Variants in ATE1 observed in about 807,000 individuals in gnomAD.
ATE1 encodes arginyl-tRNA--protein transferase 1.
ATE1 carries 36 observed loss-of-function variants against 70.5 expected under a neutral mutation model. The observed-to-expected ratio is 0.51, with a 90% confidence interval of 0.39 to 0.67. The LOEUF (loss-of-function observed/expected upper bound fraction) is 0.67, where lower values mean the gene tolerates loss of function less well. ATE1 is among the 30% of genes least tolerant of loss of function. The probability of loss-of-function intolerance (pLI) is 0.00; values close to 1 mark genes in which losing one functional copy is unlikely to be tolerated. For synonymous variants in ATE1, 232 were observed against 219.3 expected (o/e 1.06, Z -0.51); for missense variants, 593 against 629.5 (o/e 0.94, Z 0.62).
chr10:121,849,283 C>A (rs1463699433), intron 8 of ATE1, among the ~76,000 whole-genome samples: 1 of 152,008 alleles, frequency 6.6e-6, no homozygotes, highest in African/African-American at 2.4e-5. Context: ...TTCTGTTAAC[C>A]CTAAATATAA....
At chr10:121,860,524 A>G (rs1289629869) in intron 8 of ATE1, among the ~76,000 whole-genome samples, 1 of 152,250 alleles carries the variant, frequency 6.6e-6, no homozygotes, top group Non-Finnish European at 1.5e-5. Context: ...GGTTTACCCC[A>G]ACATTCACAA....
chr10:121,833,717 G>A (rs1166523749), intron 10 of ATE1, among the ~76,000 whole-genome samples: 1 of 152,138 alleles, frequency 6.6e-6, no homozygotes, highest in Non-Finnish European at 1.5e-5. Context: ...GTTGGTCAGT[G>A]TTCCATGTTC....
rs116006683 is a variant in ATE1, at chr10:121,858,511, C to T, written c.975+11495G>A. 1.4e-3 allele frequency among the ~76,000 whole-genome samples: 210 copies of T among 151,374 alleles called. 1 individual carries two copies. Among genetic ancestry groups the T allele is most frequent in the African/African-American group, 4.8e-3 (197 of 41,312 alleles). ...TGAAGATCCTTAGGTAATTTTAAAA[C>T]GTAAATTAATGTAAATCAACAACTT... On this transcript the variant is annotated intron_variant, in intron 8 of 11. Coordinates refer to ENST00000224652, the MANE Select transcript of ATE1 (RefSeq NM_001001976.3).
Position 121,856,893 on chromosome 10 carries a change from C to T in ATE1, c.975+13113G>A, listed in dbSNP as rs577544791. Among the ~76,000 whole-genome samples the T allele has an allele frequency of 3.9e-5, 6 of 152,292 alleles. No homozygotes were observed. The South Asian group carries it at 1.0e-3, about 26-fold the overall frequency. ...TTGGTTTCTAAAGAGAATAGTTCAACTGAACTTCCAAAACTGCTCATTGGT... is the reference window on the plus strand; with the variant it reads ...TTGGTTTCTAAAGAGAATAGTTCAATTGAACTTCCAAAACTGCTCATTGGT... On this transcript the variant is annotated intron_variant, in intron 8 of 11. Coordinates refer to ENST00000224652, the MANE Select transcript of ATE1 (RefSeq NM_001001976.3).
intron 10 of ATE1, among the ~76,000 whole-genome samples, chr10:121,808,764 G>C (rs1318997723): frequency 2.0e-5 from 3 of 152,180 alleles, no homozygotes; most frequent in Non-Finnish European, 4.4e-5. Flanking sequence ...GGTTGGGAAA[G>C]GAAGCAGTAC....
intron 11 of ATE1, among the ~76,000 whole-genome samples, chr10:121,776,505 A>G (rs376033198): frequency 6.6e-5 from 10 of 152,352 alleles, no homozygotes; most frequent in African/African-American, 2.2e-4. Flanking sequence ...CGTATCACTA[A>G]AATAGAATTC....
At chr10:121,819,667 G>C (rs1016443573) in intron 10 of ATE1, among the ~76,000 whole-genome samples, 7 of 49,332 alleles carry the variant, frequency 1.4e-4, no homozygotes, top group Non-Finnish European at 2.5e-4. Flanking sequence ...GGGTGACAGA[G>C]CAAGACTGTC....
intron 9 of ATE1, among the ~76,000 whole-genome samples, chr10:121,837,040 T>C (rs1266199727): frequency 6.6e-6 from 1 of 152,244 alleles, no homozygotes; most frequent in African/African-American, 2.4e-5. Context: ...AGTTCAGGTT[T>C]TACACTTTAT....
chr10:121,867,757 GCTTTTAC>G, intron 8 of ATE1, among the ~76,000 whole-genome samples: 1 of 152,182 alleles, frequency 6.6e-6, no homozygotes, highest in South Asian at 2.1e-4. Context: ...TTTGCATCGT[GCTTTTAC>G]CTCTCAATAT....
chr10:121,911,208 A>T lies in ATE1; in HGVS notation c.338-57T>A, dbSNP rs1316604921. On this transcript the variant is annotated intron_variant, in intron 4 of 11. Coordinates refer to ENST00000224652, the MANE Select transcript of ATE1 (RefSeq NM_001001976.3). ...GCTGGGTTATTTGATACAGTTAGGT[A>T]AATACAGAAATACAATGTTCCTATT... 2.6e-6 allele frequency: 4 copies of T among 1,555,968 alleles called. No homozygotes were observed. In the African/African-American group the frequency reaches 5.5e-5, roughly 22 times the overall value.
At chr10:121,916,738 G>T (rs1158193889) in intron 3 of ATE1, among the ~76,000 whole-genome samples, 1 of 152,106 alleles carries the variant, frequency 6.6e-6, no homozygotes, top group Non-Finnish European at 1.5e-5. Flanking sequence ...GGGAGGCTAA[G>T]GCAGGAGAAT....
chr10:121,833,339 T>A (rs565623044), intron 10 of ATE1, among the ~76,000 whole-genome samples: 11 of 152,224 alleles, frequency 7.2e-5, no homozygotes, highest in Non-Finnish European at 5.9e-5. Flanking sequence ...CTATCCTACA[T>A]ACTCGTCAGC....
intron 1 of ATE1, chr10:121,927,430 G>C (rs1477629612): frequency 1.6e-5 from 16 of 984,244 alleles, no homozygotes; most frequent in South Asian, 4.7e-5. Context: ...ACCGGCACCT[G>C]TGTGCACACC....
chr10:121,777,412 G>T (rs763331389), intron 11 of ATE1, among the ~76,000 whole-genome samples: 82 of 151,594 alleles, frequency 5.4e-4, no homozygotes, highest in Non-Finnish European at 7.1e-4. Context: ...GCGATTCTAA[G>T]AACATGACAG....
intron 11 of ATE1, among the ~76,000 whole-genome samples, chr10:121,775,829 A>G (rs1945713996): frequency 6.6e-6 from 1 of 152,136 alleles, no homozygotes; most frequent in South Asian, 2.1e-4. Flanking sequence ...CACAGCCTGG[A>G]TGCATCTATC....
upstream of ATE1, chr10:121,928,300 G>C (rs768689404): frequency 6.0e-6 from 9 of 1,505,526 alleles, no homozygotes; most frequent in South Asian, 8.8e-5. Context: ...CCGAGGGCCT[G>C]TGCGGGGCGC....
At chr10:121,799,051 T>A (rs1461715157) in intron 10 of ATE1, among the ~76,000 whole-genome samples, 2 of 152,160 alleles carry the variant, frequency 1.3e-5, no homozygotes, top group African/African-American at 4.8e-5. Context: ...AAAGCACAAT[T>A]TTTAAATGTA....
chr10:121,916,980 A>AT (rs1951687198), intron 3 of ATE1, among the ~76,000 whole-genome samples: 1 of 152,030 alleles, frequency 6.6e-6, no homozygotes, highest in Non-Finnish European at 1.5e-5. Flanking sequence ...CCTGGCCAAC[A>AT]TGATGAAACC....
At chr10:121,903,173 G>A (rs1386913670) in intron 5 of ATE1, among the ~76,000 whole-genome samples, 2 of 145,156 alleles carry the variant, frequency 1.4e-5, no homozygotes, top group African/African-American at 5.1e-5. Flanking sequence ...ACAGGAATGA[G>A]CCACCAGGCC....
Sources: gnomAD v4.1 joint callset for allele counts (sites outside exome capture counted in the v4.1 genomes callset) on GRCh38, gnomAD v4.1.1 for gene constraint, MANE v1.5 for transcripts, NCBI Gene and HGNC (gene_info 2026-07-23, HGNC 2026-07-21) for gene names.